The following NFILZ variants were observed in gnomAD, a reference collection of about 807,000 sequenced individuals.
NFILZ encodes NFIL3 like protein.
chr19:8,658,281 C>T (rs184042787), intron 3 of NFILZ, among the ~76,000 whole-genome samples: 139 of 152,218 alleles, frequency 9.1e-4, no homozygotes, highest in African/African-American at 3.2e-3. Flanking sequence ...GGCTCAGCTG[C>T]GGGCACTTCC....
At chr19:8,661,644 C>T (rs889486937) in intron 3 of NFILZ, among the ~76,000 whole-genome samples, 2 of 152,170 alleles carry the variant, frequency 1.3e-5, no homozygotes, top group African/African-American at 4.8e-5. Context: ...GTAATCCCAA[C>T]ACTTTGGGAG....
At position 8,678,830 on chromosome 19, in the gene NFILZ, G is replaced by C. The variant is rs1473280; in HGVS notation, c.*1195G>C. ...CTTGTCCCCTCACCCACCCACTCAC[G>C]ATCTTTAGACCTTCCTTTTGTGCCC... On this transcript the variant is annotated 3_prime_UTR_variant, in exon 6 of 6. Transcript: ENST00000691075. Among the ~76,000 whole-genome samples the C allele has an allele frequency of 0.19, 28,887 of 151,986 alleles. 2,930 individuals carry two copies. Among genetic ancestry groups the C allele is most frequent in the Admixed American group, 0.24 (3,637 of 15,274 alleles).
intron 3 of NFILZ, among the ~76,000 whole-genome samples, chr19:8,671,829 C>T (rs1568424980): frequency 1.3e-5 from 2 of 152,202 alleles, no homozygotes; most frequent in Admixed American, 6.5e-5. Context: ...CCTCTGATGT[C>T]CCCCCAAGAC....
At chr19:8,637,875 A>G (rs1219332897) in intron 3 of NFILZ, among the ~76,000 whole-genome samples, 4 of 118,048 alleles carry the variant, frequency 3.4e-5, no homozygotes, top group Non-Finnish European at 6.6e-5. Flanking sequence ...CCACTGTACT[A>G]CAGCCTGGGC....
chr19:8,641,226 T>G (rs2042917739), intron 3 of NFILZ, among the ~76,000 whole-genome samples: 1 of 152,066 alleles, frequency 6.6e-6, no homozygotes, highest in African/African-American at 2.4e-5. Flanking sequence ...ATGTTTGTTT[T>G]TTTTTTGTAG....
At chr19:8,670,886 T>G (rs896524389) in intron 3 of NFILZ, among the ~76,000 whole-genome samples, 1 of 151,516 alleles carries the variant, frequency 6.6e-6, no homozygotes, top group Non-Finnish European at 1.5e-5. Context: ...TCCCAGCTAC[T>G]CGGGAGGCTG....
chr19:8,672,818 G>T (rs747886730), intron 3 of NFILZ, among the ~76,000 whole-genome samples: 1 of 152,108 alleles, frequency 6.6e-6, no homozygotes, highest in East Asian at 1.9e-4. Flanking sequence ...CCTGATCCTG[G>T]GGTGGAGGTG....
intron 3 of NFILZ, among the ~76,000 whole-genome samples, chr19:8,644,013 AT>A (rs376032664): frequency 6.4e-4 from 98 of 152,088 alleles, no homozygotes; most frequent in Non-Finnish European, 1.1e-3. Flanking sequence ...TCCTTCCCTC[AT>A]TATGGATTGA....
chr19:8,641,087 C>T (rs1173652533), intron 3 of NFILZ, among the ~76,000 whole-genome samples: 1 of 152,144 alleles, frequency 6.6e-6, no homozygotes. Context: ...GATGGGTCTT[C>T]AAGAGCATAT....
chr19:8,648,942 T>TA (rs1367078711), intron 3 of NFILZ, among the ~76,000 whole-genome samples: 1 of 152,046 alleles, frequency 6.6e-6, no homozygotes, highest in East Asian at 1.9e-4. Flanking sequence ...TCTCACCCTA[T>TA]AATTAAGCAT....
Position 8,679,643 on chromosome 19 carries a change from G to A in NFILZ, c.*2008G>A, listed in dbSNP as rs1283999913. Among the ~76,000 whole-genome samples, 1 of 152,052 alleles carries A rather than the reference G, an allele frequency of 6.6e-6. No homozygotes were observed. The highest frequency in any genetic ancestry group is 2.4e-5 in the African/African-American group (1 of 41,392). ...ATCCCTAGAATCCTGCACATCACAGGTAGGACCTCCTCTACTTGCTCAGCC... is the reference window on the plus strand; with the variant it reads ...ATCCCTAGAATCCTGCACATCACAGATAGGACCTCCTCTACTTGCTCAGCC... On this transcript the variant is annotated 3_prime_UTR_variant, in exon 6 of 6. Transcript: ENST00000691075.
chr19:8,655,727 C>G (rs950252026), intron 3 of NFILZ, among the ~76,000 whole-genome samples: 6 of 152,180 alleles, frequency 3.9e-5, no homozygotes, highest in Non-Finnish European at 5.9e-5. Context: ...GGCCCTCTCT[C>G]TGACTCTGTC....
At chr19:8,651,399 T>C (rs1439225775) in intron 3 of NFILZ, among the ~76,000 whole-genome samples, 2 of 152,306 alleles carry the variant, frequency 1.3e-5, no homozygotes, top group Non-Finnish European at 2.9e-5. Context: ...TGACCTCAAG[T>C]GATCCACTCG....
intron 3 of NFILZ, among the ~76,000 whole-genome samples, chr19:8,667,893 CAATAT>C: frequency 6.6e-6 from 1 of 152,168 alleles, no homozygotes; most frequent in South Asian, 2.1e-4. Flanking sequence ...ATAACTAATA[CAATAT>C]AAATGCTATG....
chr19:8,678,091 T>TCCATTTG lies in NFILZ; in HGVS notation c.*456_*457insCCATTTG, dbSNP rs2043122807. ...ATCCATCCATCAATCCATCCATCCA[T>TCCATTTG]TCCATCCATCCATCCATCCATCCAT... On this transcript the variant is annotated 3_prime_UTR_variant, in exon 6 of 6. Coordinates refer to ENST00000691075, the MANE Select transcript of NFILZ (RefSeq NM_001378600.1). Among the ~76,000 whole-genome samples the TCCATTTG allele has an allele frequency of 2.4e-4, 1 of 4,152 alleles. No homozygotes were observed. Among genetic ancestry groups the TCCATTTG allele is most frequent in the Non-Finnish European group, 4.1e-4 (1 of 2,416 alleles). 2.7% of individuals were successfully genotyped at this position (4,152 alleles called of 152,430 possible). A position where few individuals can be genotyped will look rare whatever the true frequency, so the allele number is the denominator to read the frequency against.
At chr19:8,659,911 G>A (rs531392752) in intron 3 of NFILZ, among the ~76,000 whole-genome samples, 2 of 152,170 alleles carry the variant, frequency 1.3e-5, no homozygotes, top group African/African-American at 4.8e-5. Flanking sequence ...CTAGGGTGGT[G>A]GGGGGAGGGC....
chr19:8,650,545 T>G (rs1555747608), intron 3 of NFILZ, among the ~76,000 whole-genome samples: 1 of 150,958 alleles, frequency 6.6e-6, no homozygotes, highest in Non-Finnish European at 1.5e-5. Flanking sequence ...TCCCAGCTAC[T>G]GGGGAGTCTG....
intron 3 of NFILZ, among the ~76,000 whole-genome samples, chr19:8,668,604 A>G (rs2043073271): frequency 6.6e-6 from 1 of 152,300 alleles, no homozygotes; most frequent in African/African-American, 2.4e-5. Context: ...AAGTGGCCAC[A>G]GATTCATTAT....
chr19:8,680,965 A>G lies in NFILZ; in HGVS notation c.*3330A>G, dbSNP rs1288503110. Among the ~76,000 whole-genome samples, 3 of 151,770 alleles carry G rather than the reference A, an allele frequency of 2.0e-5. No homozygotes were observed. Among genetic ancestry groups the G allele is most frequent in the African/African-American group, 7.3e-5 (3 of 41,296 alleles). ...GTAAGGGGGAGAGAGGGAGGAGGCG[A>G]GGGCAGGGAGGTGATGGAAGCAGGT... On this transcript the variant is annotated 3_prime_UTR_variant, in exon 6 of 6. Coordinates refer to ENST00000691075, the MANE Select transcript of NFILZ (RefSeq NM_001378600.1).
Sources: allele counts gnomAD v4.1 joint callset (sites outside exome capture counted in the v4.1 genomes callset), GRCh38; gene constraint gnomAD v4.1.1; transcripts MANE v1.5; gene names NCBI Gene and HGNC (gene_info 2026-07-23, HGNC 2026-07-21).